DTWD2: variants seen among roughly 807,000 people sequenced by gnomAD.
DTWD2 encodes the protein tRNA-uridine aminocarboxypropyltransferase 2.
A neutral mutation model predicts 31.8 loss-of-function variants in DTWD2; 39 were observed. The ratio of observed to expected loss-of-function variants is 1.22; its 90% CI spans 0.95 to 1.60. DTWD2 has a LOEUF of 1.60. DTWD2 is among the 40% of genes most tolerant of loss of function. DTWD2 has a pLI of 0.00. For missense variants in DTWD2, 515 were observed against 381.5 expected (o/e 1.35, Z -2.92); for synonymous variants, 180 against 142.8 (o/e 1.26, Z -1.86).
At chr5:118,890,892 C>A (rs6880144) in intron 4 of DTWD2, among the ~76,000 whole-genome samples, 5 of 151,796 alleles carry the variant, frequency 3.3e-5, no homozygotes, top group South Asian at 2.1e-4. Flanking sequence ...TAAAATGTGC[C>A]TAGTTCATTT....
intron 5 of DTWD2, among the ~76,000 whole-genome samples, chr5:118,846,645 G>C (rs533959658): frequency 6.6e-6 from 1 of 152,060 alleles, no homozygotes; most frequent in Admixed American, 6.5e-5. Context: ...ATTCTATTAA[G>C]ACACCTGTGA....
intron 3 of DTWD2, among the ~76,000 whole-genome samples, chr5:118,936,403 A>T (rs1027695601): frequency 1.9e-4 from 29 of 152,190 alleles, no homozygotes; most frequent in South Asian, 1.5e-3. Flanking sequence ...TGAGCCCAAG[A>T]GTTCAAGGCT....
intron 4 of DTWD2, among the ~76,000 whole-genome samples, chr5:118,919,779 T>C (rs996398864): frequency 2.0e-5 from 3 of 152,242 alleles, no homozygotes; most frequent in Non-Finnish European, 4.4e-5. Flanking sequence ...TATGCTTATA[T>C]TGAACCAAAG....
In DTWD2 at chr5:118,839,754, T is replaced by A. The variant is rs746873619; in HGVS notation, c.*1163A>T. On this transcript the variant is annotated 3_prime_UTR_variant, in exon 6 of 6. Transcript: ENST00000510708. ...ATTTTCTGCATAGTTTCCCCAAATATTAGCATTCTAATTGTGACCAGCATT... is the reference window on the plus strand; with the variant it reads ...ATTTTCTGCATAGTTTCCCCAAATAATAGCATTCTAATTGTGACCAGCATT... 1 of 152,204 alleles carries A rather than the reference T, an allele frequency of 6.6e-6. No individual in the cohort carries two copies. The highest frequency in any genetic ancestry group is 2.4e-5 in the African/African-American group (1 of 41,448). The allele number at this position is 152,204 out of a possible 1,614,324, so 9.4% of individuals were successfully genotyped here.
intron 5 of DTWD2, among the ~76,000 whole-genome samples, chr5:118,843,343 G>A (rs1005823361): frequency 8.1e-6 from 1 of 123,846 alleles, no homozygotes; most frequent in Non-Finnish European, 1.7e-5. Flanking sequence ...GGGAGGGAGG[G>A]AGGCAGGGAG....
chr5:118,852,368 G>A lies in DTWD2; in HGVS notation c.598-4150C>T, dbSNP rs182649888. Among the ~76,000 whole-genome samples, 245 of 147,324 alleles carry A rather than the reference G, an allele frequency of 1.7e-3. 3 individuals are homozygous for A. The highest frequency in any genetic ancestry group is 6.0e-3 in the African/African-American group (225 of 37,240). ...AAGATAAGAGGATTAAGAGATTAAAGTAAGACAGGTGTAAGAAATTATAAG... is the reference window on the plus strand; with the variant it reads ...AAGATAAGAGGATTAAGAGATTAAAATAAGACAGGTGTAAGAAATTATAAG... On this transcript the variant is annotated intron_variant, in intron 4 of 5. Transcript: ENST00000510708.
intron 1 of DTWD2, among the ~76,000 whole-genome samples, chr5:118,958,886 T>C (rs1349429350): frequency 1.3e-5 from 2 of 152,158 alleles, no homozygotes; most frequent in Non-Finnish European, 2.9e-5. Context: ...AGGCTTTCAA[T>C]AAAATCCAGC....
At chr5:118,978,555 G>T (rs1249382528) in intron 1 of DTWD2, among the ~76,000 whole-genome samples, 5 of 152,052 alleles carry the variant, frequency 3.3e-5, no homozygotes, top group African/African-American at 1.2e-4. Flanking sequence ...ACCCCATTAA[G>T]AAGCGGGCAA....
At chr5:118,949,755 AG>A (rs1387718376) in intron 1 of DTWD2, among the ~76,000 whole-genome samples, 1 of 152,136 alleles carries the variant, frequency 6.6e-6, no homozygotes, top group Non-Finnish European at 1.5e-5. Context: ...GGGAGACACA[AG>A]GGGAGGATGT....
intron 4 of DTWD2, among the ~76,000 whole-genome samples, chr5:118,869,021 G>C (rs1413287103): frequency 1.3e-5 from 2 of 151,958 alleles, no homozygotes; most frequent in Admixed American, 1.3e-4. Context: ...AAAGGAGGCA[G>C]AATGGTGGTT....
At chr5:118,959,944 C>A (rs575790328) in intron 1 of DTWD2, among the ~76,000 whole-genome samples, 6 of 152,070 alleles carry the variant, frequency 3.9e-5, no homozygotes, top group Non-Finnish European at 8.8e-5. Flanking sequence ...AAAAGTCAAT[C>A]AAGATGGATT....
chr5:118,942,541 G>A (rs536630659), intron 2 of DTWD2, among the ~76,000 whole-genome samples: 22 of 151,678 alleles, frequency 1.5e-4, no homozygotes, highest in Non-Finnish European at 2.5e-4. Flanking sequence ...CAAGCATGAT[G>A]GCTCACGCCC....
chr5:118,883,785 T>C (rs777889324), intron 4 of DTWD2, among the ~76,000 whole-genome samples: 3 of 152,156 alleles, frequency 2.0e-5, no homozygotes, highest in Non-Finnish European at 2.9e-5. Context: ...GGGATTACAA[T>C]TGGAGATGAG....
Position 118,931,322 on chromosome 5 carries a change from G to A in DTWD2, c.405-2593C>T, listed in dbSNP as rs114738603. ...AGGCAGGAGAATCGCTTGAGCCTGG[G>A]AGGTCAAGGCTACAGTGAGTGAACC... On this transcript the variant is annotated intron_variant, in intron 3 of 5. Coordinates refer to ENST00000510708, the MANE Select transcript of DTWD2 (RefSeq NM_173666.4). 3.4e-3 allele frequency among the ~76,000 whole-genome samples: 518 copies of A among 151,576 alleles called. 4 individuals are homozygous for A. Among genetic ancestry groups the A allele is most frequent in the African/African-American group, 0.012 (509 of 41,244 alleles).
chr5:118,973,017 T>TTTACAGTCTGTTTTATCAGAAAC (rs1343999666), intron 1 of DTWD2, among the ~76,000 whole-genome samples: 1 of 152,190 alleles, frequency 6.6e-6, no homozygotes, highest in Non-Finnish European at 1.5e-5. Flanking sequence ...TCTTTGTTGG[T>TTTACAGTCTGTTTTATCAGAAAC]TTACAGTCTG....
At position 118,973,657 on chromosome 5, in the gene DTWD2, G is replaced by C. The variant is rs434278; in HGVS notation, c.218+14637C>G. On this transcript the variant is annotated intron_variant, in intron 1 of 5. Coordinates refer to ENST00000510708, the MANE Select transcript of DTWD2 (RefSeq NM_173666.4). ...TGCTCGCGGCAGCCTCCTTGCTCGC[G>C]GCAGCCTCCTTGCTCGCCGCAGCCG... The C allele has an allele frequency of 2.8e-3, 1,228 of 431,626 alleles. 9 individuals are homozygous for C. The highest frequency in any genetic ancestry group is 0.017 in the Admixed American group (335 of 19,842). The allele number at this position is 431,626 out of a possible 1,614,324, so 26.7% of individuals were successfully genotyped here.
At chr5:118,885,066 T>C (rs865396) in intron 4 of DTWD2, among the ~76,000 whole-genome samples, 9,700 of 149,020 alleles carry the variant, frequency 0.065, 1,109 homozygotes, top group African/African-American at 0.23. Context: ...CCCAACACTT[T>C]GGGAAGCCAA....
intron 1 of DTWD2, among the ~76,000 whole-genome samples, chr5:118,978,880 C>G (rs1755225992): frequency 6.6e-6 from 1 of 152,122 alleles, no homozygotes; most frequent in Admixed American, 6.6e-5. Context: ...GTGGTGCACA[C>G]ATGTAGTCCC....
intron 3 of DTWD2, among the ~76,000 whole-genome samples, chr5:118,929,907 C>T (rs1040880149): frequency 2.0e-5 from 3 of 152,122 alleles, no homozygotes; most frequent in African/African-American, 7.2e-5. Flanking sequence ...AGGCTGCTAT[C>T]GGTGCGGTTT....
Sources: allele counts gnomAD v4.1 joint callset (sites outside exome capture counted in the v4.1 genomes callset), GRCh38; gene constraint gnomAD v4.1.1; transcripts MANE v1.5; gene names NCBI Gene and HGNC (gene_info 2026-07-23, HGNC 2026-07-21).